SP140: variants seen among roughly 807,000 people sequenced by gnomAD.
SP140 encodes nuclear body protein SP140.
SP140 carries 81 observed loss-of-function variants against 125.0 expected under a neutral mutation model. That is an observed-to-expected ratio of 0.65 (90% confidence interval 0.54 to 0.78). The LOEUF (loss-of-function observed/expected upper bound fraction) is 0.78. Ranked by LOEUF, SP140 falls within the 30% of genes least tolerant of loss-of-function variation. SP140 has a pLI of 0.00. For missense variants in SP140, 858 were observed against 1,037.0 expected, an observed-to-expected ratio of 0.83 and a Z score of 2.37; for synonymous variants, 312 against 354.0, an observed-to-expected ratio of 0.88 and a Z score of 1.33.
rs745848625 is a variant in SP140 at position 230,259,771 on chromosome 2, C to CATATATATAT, written c.1240+4255_1240+4264dup. Among the ~76,000 whole-genome samples, 617 of 85,848 alleles carry CATATATATAT rather than the reference C, an allele frequency of 7.2e-3. 39 individuals carry two copies. Among genetic ancestry groups the CATATATATAT allele is most frequent in the African/African-American group, 0.013 (319 of 23,890 alleles). 56.3% of individuals were successfully genotyped at this position (85,848 alleles called of 152,430 possible). ...TTTTTATGGCTGCGTAGTATTCCAT[C>CATATATATAT]ATATATATATATATATATATATATA... On this transcript the variant is annotated intron_variant, in intron 12 of 26. Transcript: ENST00000392045.
chr2:230,198,887 C>T (rs2042998062), upstream of SP140, among the ~76,000 whole-genome samples: 1 of 152,146 alleles, frequency 6.6e-6, no homozygotes, highest in Admixed American at 6.5e-5. Context: ...TAGCAAATTA[C>T]TATCTGTGAC....
At chr2:230,209,683 A>G (rs540584209) in intron 1 of SP140, among the ~76,000 whole-genome samples, 63 of 152,268 alleles carry the variant, frequency 4.1e-4, no homozygotes, top group Middle Eastern at 3.4e-3. Flanking sequence ...TGAATATAGG[A>G]GATTGATTTT....
chr2:230,294,393 G>A, intron 21 of SP140, 75 bp downstream of exon 21: 3 of 1,124,120 alleles, frequency 2.7e-6, no homozygotes, highest in South Asian at 2.7e-5. Context: ...ATTTTATGGG[G>A]TCTGAAATTG....
intron 5 of SP140, among the ~76,000 whole-genome samples, chr2:230,244,656 T>G (rs1458206784): frequency 6.6e-6 from 1 of 151,220 alleles, no homozygotes; most frequent in East Asian, 1.9e-4. Flanking sequence ...GAAAGAAAAA[T>G]GGAGACACAA....
intron 1 of SP140, among the ~76,000 whole-genome samples, chr2:230,204,397 G>A (rs1224797447): frequency 5.3e-5 from 8 of 152,180 alleles, no homozygotes; most frequent in Non-Finnish European, 1.5e-5. Flanking sequence ...GGGGTGTGCA[G>A]AGTACGTATG....
At chr2:230,234,970 G>T (rs2047759964) in intron 1 of SP140, 1 of 152,216 alleles carries the variant, frequency 6.6e-6, no homozygotes, top group Admixed American at 6.5e-5. Context: ...GTTGTAGTCT[G>T]TTCATGCTTA....
At chr2:230,277,589 C>G (rs1441146599) in intron 15 of SP140, among the ~76,000 whole-genome samples, 1 of 152,106 alleles carries the variant, frequency 6.6e-6, no homozygotes, top group African/African-American at 2.4e-5. Flanking sequence ...TTTATCTGAT[C>G]AAATCTGTCA....
chr2:230,297,979 A>G (rs1318869263), intron 22 of SP140, among the ~76,000 whole-genome samples: 1 of 152,190 alleles, frequency 6.6e-6, no homozygotes, highest in Non-Finnish European at 1.5e-5. Flanking sequence ...AGCCCTGTAA[A>G]GGAGTACATA....
In SP140 at chr2:230,211,477, A is replaced by G; in HGVS notation, c.-322-2177A>G. On this transcript the variant is annotated intron_variant, in intron 1 of 4. Coordinates refer to the SP140 transcript ENST00000456542. The surrounding 1 kb of genome is among the most constrained non-coding windows in gnomAD (Gnocchi z 4.2). ...TGACCAAACCAAGATTACCTGGCAT[A>G]GAGCCCAAGGGAGAGTGGGGCATCT... The G allele has an allele frequency of 6.3e-7, 1 of 1,599,038 alleles. No individual in the cohort carries two copies.
At chr2:230,256,357 G>C (rs1375782427) in intron 12 of SP140, among the ~76,000 whole-genome samples, 2 of 151,124 alleles carry the variant, frequency 1.3e-5, no homozygotes, top group Admixed American at 6.6e-5. Context: ...AAAATGATGA[G>C]TCCATGTCCT....
intron 22 of SP140, among the ~76,000 whole-genome samples, chr2:230,307,985 A>G (rs2058953583): frequency 1.1e-5 from 1 of 88,002 alleles, no homozygotes; most frequent in South Asian, 5.1e-4. Context: ...ATATATATAT[A>G]TATATACACA....
At chr2:230,299,304 A>G (rs1190639280) in intron 22 of SP140, among the ~76,000 whole-genome samples, 2 of 152,236 alleles carry the variant, frequency 1.3e-5, no homozygotes, top group East Asian at 3.9e-4. Flanking sequence ...CTGAACACAT[A>G]TCCTCACTGG....
intron 3 of SP140, among the ~76,000 whole-genome samples, chr2:230,217,409 G>T (rs13389060): frequency 0.15 from 22,560 of 152,016 alleles, 1,825 homozygotes; most frequent in African/African-American, 0.2. Context: ...TAGGAAACAA[G>T]GACAATTCCC....
At chr2:230,276,365 C>T (rs180898408) in intron 15 of SP140, among the ~76,000 whole-genome samples, 121 of 152,274 alleles carry the variant, frequency 7.9e-4, no homozygotes, top group African/African-American at 2.8e-3. Context: ...TCTAAGTCTA[C>T]TCTGCCTATG....
chr2:230,243,102 T>A (rs796120943), intron 4 of SP140, among the ~76,000 whole-genome samples: 1 of 152,182 alleles, frequency 6.6e-6, no homozygotes, highest in African/African-American at 2.4e-5. Context: ...TCCTGAAATA[T>A]TACTTCAAGG....
At chr2:230,245,193 C>A in intron 6 of SP140, 113 bp downstream of exon 6, 1 of 699,828 alleles carries the variant, frequency 1.4e-6, no homozygotes, top group Non-Finnish European at 2.4e-6. Flanking sequence ...TTTGTTCAGC[C>A]TGTGGTTGTT....
chr2:230,212,286 A>G (rs2044575707), intron 1 of SP140: 2 of 1,237,784 alleles, frequency 1.6e-6, no homozygotes, highest in Non-Finnish European at 2.4e-6. Flanking sequence ...TGGTTGGCAG[A>G]CGCATGTTCT....
At chr2:230,288,459 T>TTCTC (rs1031569582) in intron 18 of SP140, among the ~76,000 whole-genome samples, 25 of 32,972 alleles carry the variant, frequency 7.6e-4, no homozygotes, top group Non-Finnish European at 1.4e-3. Context: ...CCAACTATCT[T>TTCTC]TCTTTCTTTC....
At chr2:230,236,344 T>A (rs1212721076) in intron 1 of SP140, among the ~76,000 whole-genome samples, 2 of 152,214 alleles carry the variant, frequency 1.3e-5, no homozygotes, top group Non-Finnish European at 2.9e-5. Flanking sequence ...AGTTCAGTGT[T>A]AGGTTCTGTA....
Sources: gnomAD v4.1 joint callset for allele counts (sites outside exome capture counted in the v4.1 genomes callset) on GRCh38, gnomAD v4.1.1 for gene constraint, Gnocchi (gnomAD v3.1) non-coding constraint, MANE v1.5 for transcripts, NCBI Gene and HGNC (gene_info 2026-07-23, HGNC 2026-07-21) for gene names.